Variants in LRRC23 observed in about 807,000 individuals in gnomAD.
The protein encoded by LRRC23 is leucine-rich repeat-containing protein 23.
A neutral mutation model predicts 37.7 loss-of-function variants in LRRC23; 28 were observed. The observed-to-expected ratio is 0.74, with a 90% confidence interval of 0.55 to 1.02. LRRC23 has a LOEUF of 1.02. LRRC23 is among the 50% of genes least tolerant of loss of function. The pLI is 0.00. For synonymous variants in LRRC23, 161 were observed against 165.4 expected (o/e 0.97, Z 0.20); for missense variants, 377 against 413.2 (o/e 0.91, Z 0.76).
rs1054273478 is a variant in LRRC23, at chr12:6,905,113, G to T, written c.-50+38G>T. 10 of 162,078 alleles carry T rather than the reference G, an allele frequency of 6.2e-5. No homozygotes were observed. The East Asian group carries it at 1.8e-3, about 30-fold the overall frequency. The allele number at this position is 162,078 out of a possible 1,614,324, so 10.0% of individuals were successfully genotyped here. On this transcript the variant is annotated intron_variant, in intron 1 of 7. Transcript: ENST00000443597. ...TTGCTAAGGCGAATTGAGTGGGAGG[G>T]TTGGAGACTGCGCTTTAGGCTGGTG...
intron 6 of LRRC23, among the ~76,000 whole-genome samples, chr12:6,910,477 A>C (rs1464942230): frequency 6.6e-6 from 1 of 152,078 alleles, no homozygotes; most frequent in African/African-American, 2.4e-5. Context: ...GGGAAGCCGA[A>C]GTGGGCAGAT....
intron 5 of LRRC23, among the ~76,000 whole-genome samples, chr12:6,909,593 C>T (rs1555140440): frequency 6.9e-6 from 1 of 144,116 alleles, no homozygotes; most frequent in Non-Finnish European, 1.5e-5. Context: ...TGATGCCAAT[C>T]CTCAGTGGTG....
intron 1 of LRRC23, chr12:6,905,361 A>G (rs1440735488): frequency 9.4e-6 from 3 of 319,984 alleles, no homozygotes; most frequent in Non-Finnish European, 1.8e-5. Context: ...AGTCACTGTG[A>G]AGGACAGGAA....
At chr12:6,905,554 T>C in intron 1 of LRRC23, 31 bp from the exon 2 acceptor site, 1 of 1,465,572 alleles carries the variant, frequency 6.8e-7, no homozygotes, top group Non-Finnish European at 9.5e-7. Flanking sequence ...AGCTGAAGGC[T>C]GGCAGAAGCT....
chr12:6,907,458 G>A lies in LRRC23; in HGVS notation c.621+13G>A, dbSNP rs1944975567. 3 of 1,614,058 alleles carry A rather than the reference G, an allele frequency of 1.9e-6. No homozygotes were observed. Among genetic ancestry groups the A allele is most frequent in the Non-Finnish European group, 2.5e-6 (3 of 1,179,996 alleles). ...GAACCTCTACCTGGTAGCTCACTGG[G>A]TCAGAGGGTGGTGCAGGGAAGAGGG... is the stretch of plus-strand genomic sequence containing the variant. On this transcript the variant is annotated intron_variant, in intron 5 of 7. Transcript: ENST00000443597.
At chr12:6,912,631 G>T (rs1239176997) in intron 6 of LRRC23, 99 bp from the exon 7 acceptor site, 2 of 1,085,864 alleles carry the variant, frequency 1.8e-6, no homozygotes, top group Non-Finnish European at 1.4e-6. Context: ...TGTTTCTAGG[G>T]ACACTGGAAC....
intron 7 of LRRC23, among the ~76,000 whole-genome samples, chr12:6,913,565 T>TG (rs1945237315): frequency 2.4e-5 from 3 of 124,538 alleles, no homozygotes; most frequent in South Asian, 3.0e-4. Context: ...GTTTTTTTTT[T>TG]TTTTTTTTTT....
chr12:6,910,326 G>A (rs1271170030), intron 6 of LRRC23, among the ~76,000 whole-genome samples: 4 of 152,138 alleles, frequency 2.6e-5, no homozygotes, highest in African/African-American at 9.7e-5. Context: ...GTTCATGCCT[G>A]TACTCCCAGC....
rs781933549 is a variant in LRRC23, at chr12:6,909,975, C to T, written c.707C>T (p.Thr236Ile). 1.2e-6 allele frequency: 2 copies of T among 1,613,874 alleles called. No homozygotes were observed. The highest frequency in any genetic ancestry group is 8.5e-7 in the Non-Finnish European group (1 of 1,179,938). The change falls in exon 6 of 8, where the codon ACC (threonine) becomes ATC (isoleucine). Residue 236 changes from threonine (T) to isoleucine (I), a missense_variant. Physicochemically the swap from Thr to Ile is moderately conservative, Grantham distance 89. Coordinates refer to ENST00000443597, the MANE Select transcript of LRRC23 (RefSeq NM_001135217.2). ...CATCTTCGAGACAACCAGATTGACA[C>T]CCTGAGTGGCTTCTCCAGAGAAATG... ...TLHLRDNQID[T>I]LSGFSREMKS... is the part of the protein sequence containing the mutation.
At chr12:6,910,286 A>G (rs1446067050) in intron 6 of LRRC23, among the ~76,000 whole-genome samples, 1 of 152,164 alleles carries the variant, frequency 6.6e-6, no homozygotes, top group African/African-American at 2.4e-5. Flanking sequence ...TTTTGGGGAC[A>G]TTTAAAGCAA....
intron 6 of LRRC23, among the ~76,000 whole-genome samples, chr12:6,912,162 C>T (rs1945174755): frequency 6.6e-6 from 1 of 152,074 alleles, no homozygotes; most frequent in Middle Eastern, 3.2e-3. Context: ...AGCTTAGATC[C>T]CAGTTCCTTG....
At chr12:6,907,628 A>G (rs1944982084) in intron 5 of LRRC23, 183 bp downstream of exon 5, 1 of 679,224 alleles carries the variant, frequency 1.5e-6, no homozygotes, top group South Asian at 1.6e-5. Flanking sequence ...GGCTGATAAT[A>G]TATAATGTGT....
Position 6,905,864 on chromosome 12 carries a change from CGGA to C in LRRC23, c.150_152del (p.Glu50del). On this transcript the variant is annotated inframe_deletion, in exon 3 of 8. Coordinates refer to ENST00000443597, the MANE Select transcript of LRRC23 (RefSeq NM_001135217.2). ...CTGCAGTGGCTGCCCACCCCCCTCACGGAGGACATGATGAAGGAAGGGCTTTCT... is the reference window on the plus strand; with the variant it reads ...CTGCAGTGGCTGCCCACCCCCCTCACGGACATGATGAAGGAAGGGCTTTCT... The C allele has an allele frequency of 6.2e-7, 1 of 1,613,918 alleles. No homozygotes were observed. Among genetic ancestry groups the C allele is most frequent in the African/African-American group, 1.3e-5 (1 of 74,932 alleles).
At position 6,907,421 on chromosome 12, in the gene LRRC23, T is replaced by C. The variant is rs1944974698; in HGVS notation, c.597T>C (p.Leu199=). 6.2e-7 allele frequency: 1 copy of C among 1,613,622 alleles called. No homozygotes were observed. Among genetic ancestry groups the C allele is most frequent in the South Asian group, 1.1e-5 (1 of 91,056 alleles). ...TGGAAAGCACCCTGGGAATCAATCT[T>C]CCTAAGCTGAAGAACCTCTACCTGG... The part of the protein sequence containing the change: ...NQLESTLGIN[L]PKLKNLYLAQ... The change falls in exon 5 of 8, where the codon CTT becomes CTC. Residue 199 remains leucine, a synonymous_variant. Transcript: ENST00000443597.
At chr12:6,906,699 T>A in intron 4 of LRRC23, 37 bp downstream of exon 4, 1 of 1,602,276 alleles carries the variant, frequency 6.2e-7, no homozygotes, top group Non-Finnish European at 8.5e-7. Flanking sequence ...GATTCTTTCC[T>A]TCCTAGCCTG....
Position 6,906,517 on chromosome 12 carries a change from G to A in LRRC23, c.345G>A (p.Leu115=). ...CTCCACTCAACTACCTCACCCACCT[G>A]CTCTGGCTCAAGGCTGATGGCAATC... ...DLSPLNYLTH[L]LWLKADGNRL... The change falls in exon 4 of 8, where the codon CTG becomes CTA. Residue 115 remains leucine, a synonymous_variant. Coordinates refer to ENST00000443597, the MANE Select transcript of LRRC23 (RefSeq NM_001135217.2). 6 of 1,614,202 alleles carry A rather than the reference G, an allele frequency of 3.7e-6. No homozygotes were observed. The highest frequency in any genetic ancestry group is 1.1e-5 in the South Asian group (1 of 91,088).
intron 5 of LRRC23, chr12:6,907,770 A>C: frequency 3.7e-6 from 2 of 541,080 alleles, no homozygotes; most frequent in Non-Finnish European, 6.6e-6. Flanking sequence ...CAGCTCTTAC[A>C]CTACCACCAC....
At chr12:6,907,521 G>A (rs1555139844) in intron 5 of LRRC23, 76 bp downstream of exon 5, 8 of 1,411,536 alleles carry the variant, frequency 5.7e-6, no homozygotes, top group Non-Finnish European at 7.0e-6. Context: ...TTTCTAGTAG[G>A]CTCAGCTACT....
In LRRC23 at chr12:6,905,717, G is replaced by C; in HGVS notation, c.84G>C (p.Glu28Asp). The C allele has an allele frequency of 1.9e-6, 3 of 1,613,538 alleles. No individual in the cohort carries two copies. Among genetic ancestry groups the C allele is most frequent in the Non-Finnish European group, 2.5e-6 (3 of 1,179,656 alleles). ...AAGAGGACGAGAAGGAGACAGAGGA[G>C]GGGGAGGACTACAGAAAAGAGGGGG... ...EKEEDEKETE[E>D]GEDYRKEGEE... Residue 28 changes from glutamate to aspartate, a missense_variant, in exon 2 of 8, where the codon GAG becomes GAC. By Grantham distance (45) the Glu-to-Asp change is conservative. Around this residue, in one of 3 missense-constraint regions of LRRC23, gnomAD observed 106 missense variants for 105.9 expected, o/e 1.00. Coordinates refer to ENST00000443597, the MANE Select transcript of LRRC23 (RefSeq NM_001135217.2).
Sources: gnomAD v4.1 joint callset for allele counts (sites outside exome capture counted in the v4.1 genomes callset) on GRCh38, gnomAD v4.1.1 for gene constraint, gnomAD v4.1.1 regional missense constraint, MANE v1.5 for transcripts, NCBI Gene and HGNC (gene_info 2026-07-23, HGNC 2026-07-21) for gene names.